DNAH2: variants seen among roughly 807,000 people sequenced by gnomAD.
DNAH2 encodes the protein axonemal beta dynein heavy chain 2.
In DNAH2, 323 loss-of-function variants were observed where a neutral mutation model predicts 523.5. The ratio of observed to expected loss-of-function variants is 0.62; its 90% CI spans 0.56 to 0.68. DNAH2 has a LOEUF of 0.68. DNAH2 is among the 30% of genes least tolerant of loss of function. The pLI is 0.00. For missense variants in DNAH2, 4,907 were observed against 5,701.5 expected (o/e 0.86, Z 4.49); for synonymous variants, 2,093 against 2,177.4 (o/e 0.96, Z 1.08).
Position 7,770,868 on chromosome 17 carries a change from C to T in DNAH2, c.4297C>T (p.Leu1433Phe). The T allele has an allele frequency of 6.2e-7, 1 of 1,614,142 alleles. No individual in the cohort carries two copies. The highest frequency in any genetic ancestry group is 8.5e-7 in the Non-Finnish European group (1 of 1,180,020). ...GGATGTGGACCACTGGGAACGCTGC[C>T]TCTCCCTCATTTTGGAGGTTATTGA... The part of the protein sequence containing the change: ...EKDVDHWERC[L>F]SLILEVIEMI... Residue 1433 changes from leucine (L) to phenylalanine (F), a missense_variant, in exon 27 of 86, where the codon CTC becomes TTC. Physicochemically the swap from Leu to Phe is conservative, Grantham distance 22. Transcript: ENST00000572933.
At chr17:7,735,817 A>G (rs1305426619) in intron 7 of DNAH2, among the ~76,000 whole-genome samples, 2 of 151,852 alleles carry the variant, frequency 1.3e-5, no homozygotes. Context: ...CAGTAGCGCG[A>G]TCTCGGCTCA....
chr17:7,719,093 G>A (rs1038935019), intron 1 of DNAH2, among the ~76,000 whole-genome samples: 1 of 147,778 alleles, frequency 6.8e-6, no homozygotes, highest in African/African-American at 2.5e-5. Context: ...AGAGATAGAG[G>A]TTCTAAATCC....
At chr17:7,817,184 C>T in intron 64 of DNAH2, 106 bp from the exon 65 acceptor site, 1 of 1,445,542 alleles carries the variant, frequency 6.9e-7, no homozygotes. Flanking sequence ...GGGAAAGATC[C>T]TCTTTGAACC....
In DNAH2 at chr17:7,823,950, T is replaced by G; in HGVS notation, c.11446T>G (p.Phe3816Val). 2 of 1,613,826 alleles carry G rather than the reference T, an allele frequency of 1.2e-6. No homozygotes were observed. The highest frequency in any genetic ancestry group is 8.5e-7 in the Non-Finnish European group (1 of 1,180,032). ...SFIITNLGSRFIEPPVLNMKS... is the reference protein window; with the variant it reads ...SFIITNLGSRVIEPPVLNMKS... ...CATCATCACCAACCTTGGCTCCCGC[T>G]TCATCGAGCCGCCTGTGCTGAATAT... The change falls in exon 75 of 86, where the codon TTC becomes GTC. Residue 3816 changes from phenylalanine to valine, a missense_variant. Around this residue, in one of 3 missense-constraint regions of DNAH2, gnomAD observed 1,851 missense variants for 2,139.4 expected, o/e 0.87. Coordinates refer to ENST00000572933, the MANE Select transcript of DNAH2 (RefSeq NM_020877.5).
At chr17:7,738,158 C>T (rs939517394) in intron 8 of DNAH2, 8 of 701,044 alleles carry the variant, frequency 1.1e-5, no homozygotes, top group South Asian at 1.0e-4. Flanking sequence ...TGTCTCAACT[C>T]CCTTGTCAGC....
At chr17:7,827,178 T>C (rs1323814224) in intron 77 of DNAH2, among the ~76,000 whole-genome samples, 1 of 152,008 alleles carries the variant, frequency 6.6e-6, no homozygotes, top group Non-Finnish European at 1.5e-5. Context: ...CAGTTATGTG[T>C]TTTGTGGTTT....
chr17:7,764,133 C>G lies in DNAH2; in HGVS notation c.3196C>G (p.Gln1066Glu). Residue 1066 changes from glutamine (Q) to glutamate (E), a missense_variant, in exon 20 of 86, where the codon CAG becomes GAG. Gln to Glu is a conservative substitution (Grantham distance 29, BLOSUM62 2). Transcript: ENST00000572933. ...CGCCTTCAGAATCAGCCGCCCTCCG[C>G]AGACACTGGAGGAACTGGGGGTCAG... Reference protein sequence around the residue: ...ENAEKISRPPQTLEELGVSLQ... With the variant: ...ENAEKISRPPETLEELGVSLQ... 6.2e-7 allele frequency: 1 copy of G among 1,614,222 alleles called. No individual in the cohort carries two copies. The highest frequency in any genetic ancestry group is 8.5e-7 in the Non-Finnish European group (1 of 1,180,046).
At position 7,762,630 on chromosome 17, in the gene DNAH2, G is replaced by C. The variant is rs566437433; in HGVS notation, c.2979-1201G>C. On this transcript the variant is annotated intron_variant, in intron 18 of 85. Coordinates refer to ENST00000572933, the MANE Select transcript of DNAH2 (RefSeq NM_020877.5). ...ATTACGGGCCTGAGCCACCAAGCCC[G>C]GCCGACTTTGCATAGGATTTCAACA... Among the ~76,000 whole-genome samples the C allele has an allele frequency of 4.6e-5, 7 of 152,072 alleles. No individual in the cohort carries two copies. The South Asian group carries it at 1.2e-3, about 27-fold the overall frequency.
chr17:7,784,079 G>C (rs2076673158), intron 39 of DNAH2, among the ~76,000 whole-genome samples: 1 of 152,036 alleles, frequency 6.6e-6, no homozygotes, highest in African/African-American at 2.4e-5. Flanking sequence ...AGCAATATGG[G>C]ACAACAGATT....
Position 7,740,462 on chromosome 17 carries a change from C to T in DNAH2, c.1419C>T (p.Asn473=). 4.3e-6 allele frequency: 7 copies of T among 1,614,182 alleles called. No homozygotes were observed. The highest frequency in any genetic ancestry group is 3.3e-5 in the South Asian group (3 of 91,088). The change falls in exon 10 of 86, where the codon AAC becomes AAT. Residue 473 remains asparagine (N), a synonymous_variant. Coordinates refer to ENST00000572933, the MANE Select transcript of DNAH2 (RefSeq NM_020877.5). ...AGGACCTGGAGGTGATGACCCAGAA[C>T]CTGATCACCTCAGCCTTCGAGTTGG... The part of the protein sequence containing the change: ...GIKDLEVMTQ[N]LITSAFELVR...
At chr17:7,814,850 A>AAAAC (rs779497174) in intron 63 of DNAH2, among the ~76,000 whole-genome samples, 59 of 152,270 alleles carry the variant, frequency 3.9e-4, no homozygotes, top group Non-Finnish European at 7.9e-4. Context: ...ACTCCGTCTC[A>AAAAC]AAACAAACAA....
At position 7,807,386 on chromosome 17, in the gene DNAH2, C is replaced by A. The variant is rs1388005460; in HGVS notation, c.9612+67C>A. ...GCCTGGGGGAGTGCGGATGCACAGA[C>A]CCAGGTGGAAGGAGGGGATGCCTGG... On this transcript the variant is annotated intron_variant, in intron 62 of 85. Transcript: ENST00000572933. This position sits in a 1 kb window ranked among gnomAD's most constrained non-coding sequence, Gnocchi z 5.6. 5 of 1,604,242 alleles carry A rather than the reference C, an allele frequency of 3.1e-6. No homozygotes were observed. The highest frequency in any genetic ancestry group is 3.3e-5 in the Admixed American group (2 of 59,808).
At chr17:7,789,034 C>T (rs577072576) in intron 44 of DNAH2, among the ~76,000 whole-genome samples, 14 of 152,200 alleles carry the variant, frequency 9.2e-5, no homozygotes, top group Admixed American at 4.6e-4. Flanking sequence ...TGTGGTGGCA[C>T]GTGCCTGTAG....
In DNAH2 at chr17:7,775,062, C is replaced by T. The variant is rs751413051; in HGVS notation, c.4719+86C>T. 24 of 1,384,062 alleles carry T rather than the reference C, an allele frequency of 1.7e-5. 1 individual carries two copies. The South Asian group carries it at 2.7e-4, about 15-fold the overall frequency. The allele number at this position is 1,384,062 out of a possible 1,614,324, so 85.7% of individuals were successfully genotyped here. ...AAGCTTTGGAGGGGACCCTGCCCTC[C>T]CAAAAGGAGGGCCATGTTAATTAAT... On this transcript the variant is annotated intron_variant, in intron 29 of 85. Transcript: ENST00000572933.
Position 7,817,728 on chromosome 17 carries a change from G to T in DNAH2, c.10169+19G>T. On this transcript the variant is annotated intron_variant, in intron 66 of 85. Transcript: ENST00000572933. Reference sequence around the variant, plus strand: ...GCAACAGGTGAGGGTGCTGCTGGGCGTGGGGGCGGTACGGGAGCATGGGAG... The same window carrying T: ...GCAACAGGTGAGGGTGCTGCTGGGCTTGGGGGCGGTACGGGAGCATGGGAG... The T allele has an allele frequency of 1.9e-6, 3 of 1,614,142 alleles. No individual in the cohort carries two copies. The highest frequency in any genetic ancestry group is 8.5e-7 in the Non-Finnish European group (1 of 1,180,018).
At chr17:7,825,484 C>T (rs796150576) in intron 77 of DNAH2, among the ~76,000 whole-genome samples, 14 of 152,206 alleles carry the variant, frequency 9.2e-5, no homozygotes, top group South Asian at 2.1e-4. Flanking sequence ...CTGTCACAGT[C>T]GACTGTCCCT....
chr17:7,803,690 G>T (rs776360906), intron 58 of DNAH2, among the ~76,000 whole-genome samples: 5 of 150,728 alleles, frequency 3.3e-5, no homozygotes, highest in African/African-American at 4.9e-5. Context: ...ATCAGAAATT[G>T]TGGGGCAGGT....
At chr17:7,792,930 C>G (rs1358267540) in intron 47 of DNAH2, 51 bp from the exon 48 acceptor site, 2 of 1,602,484 alleles carry the variant, frequency 1.2e-6, no homozygotes, top group African/African-American at 1.3e-5. Flanking sequence ...CCTCTCTAAG[C>G]CCGTATTTCT....
intron 13 of DNAH2, 87 bp from the exon 14 acceptor site, chr17:7,758,408 T>A: frequency 6.8e-7 from 1 of 1,478,494 alleles, no homozygotes; most frequent in Admixed American, 2.1e-5. Flanking sequence ...GGTCTAGAAA[T>A]GTTCACATTT....
Sources: allele counts gnomAD v4.1 joint callset (sites outside exome capture counted in the v4.1 genomes callset), GRCh38; gene constraint gnomAD v4.1.1; regional missense constraint gnomAD v4.1.1; non-coding constraint Gnocchi (gnomAD v3.1); transcripts MANE v1.5; gene names NCBI Gene and HGNC (gene_info 2026-07-23, HGNC 2026-07-21).